The following SMC6 variants were observed in gnomAD, a reference collection of about 807,000 sequenced individuals.
SMC6 encodes structural maintenance of chromosomes protein 6.
Under a neutral mutation model 142.2 loss-of-function variants are expected in SMC6, and 79 were observed. The observed-to-expected ratio is 0.56, with a 90% CI of 0.46 to 0.67. SMC6 has a LOEUF of 0.67. Among genes scored for constraint, SMC6 ranks in the 30% least tolerant of loss-of-function variants. The pLI is 0.00. For synonymous variants in SMC6, 411 were observed against 412.4 expected, an observed-to-expected ratio of 1.00 and a Z score of 0.04; for missense variants, 1,072 against 1,284.0, an observed-to-expected ratio of 0.83 and a Z score of 2.52.
intron 22 of SMC6, 44 bp downstream of exon 22, chr2:17,696,245 G>T: frequency 6.4e-7 from 1 of 1,562,880 alleles, no homozygotes; most frequent in Non-Finnish European, 8.6e-7. Flanking sequence ...AATAATCATG[G>T]CTAAGGCTGA....
chr2:17,726,192 GT>G (rs1250545409), intron 8 of SMC6, among the ~76,000 whole-genome samples, 196 bp downstream of exon 8: 1 of 138,102 alleles, frequency 7.2e-6, no homozygotes, highest in Non-Finnish European at 1.5e-5. Context: ...AAGCCAAAAA[GT>G]AAAAACAAAG....
Position 17,700,369 on chromosome 2 carries a change from C to T in SMC6, c.2233G>A (p.Ala745Thr), listed in dbSNP as rs749256786. The part of the protein sequence containing the change: ...SVDIATLEDE[A>T]QENKSKMKMV... Reference sequence around the variant, plus strand: ...TTCATTTTGCTTTTATTTTCCTGAGCTTCATCTTCCTGATAAAATTTAAAC... The same window carrying T: ...TTCATTTTGCTTTTATTTTCCTGAGTTTCATCTTCCTGATAAAATTTAAAC... Residue 745 changes from alanine to threonine, a missense_variant, in exon 21 of 28, where the codon GCT becomes ACT. Physicochemically the swap from Ala to Thr is moderately conservative, Grantham distance 58. Transcript: ENST00000448223. The T allele has an allele frequency of 6.3e-7, 1 of 1,594,080 alleles. No individual in the cohort carries two copies. The highest frequency in any genetic ancestry group is 2.3e-5 in the East Asian group (1 of 44,346).
At chr2:17,730,246 T>C (rs1275156561) in intron 7 of SMC6, among the ~76,000 whole-genome samples, 2 of 152,326 alleles carry the variant, frequency 1.3e-5, no homozygotes, top group East Asian at 1.9e-4. Context: ...TACCCTATTA[T>C]CAATTAATTC....
At chr2:17,746,053 T>A in intron 2 of SMC6, 102 bp from the exon 3 acceptor site, 1 of 1,144,250 alleles carries the variant, frequency 8.7e-7, no homozygotes, top group South Asian at 2.2e-5. Flanking sequence ...AGGTACTATG[T>A]CCATCCATTT....
intron 16 of SMC6, 83 bp from the exon 17 acceptor site, chr2:17,708,836 A>ATAT: frequency 2.4e-5 from 9 of 380,778 alleles, no homozygotes; most frequent in Non-Finnish European, 3.1e-5. Context: ...ATATATATAT[A>ATAT]AGAGTATATA....
chr2:17,725,467 T>C, intron 8 of SMC6, 109 bp from the exon 9 acceptor site: 1 of 634,048 alleles, frequency 1.6e-6, no homozygotes, highest in Non-Finnish European at 2.6e-6. Context: ...ATCAATGATG[T>C]AAAAAGACAT....
intron 23 of SMC6, among the ~76,000 whole-genome samples, chr2:17,686,474 T>G (rs890088752): frequency 1.8e-4 from 27 of 152,078 alleles, no homozygotes; most frequent in African/African-American, 6.3e-4. Context: ...AGAGTGAGAC[T>G]CCGTCCCAAA....
chr2:17,725,388 T>C (rs1422001306), intron 8 of SMC6, 30 bp from the exon 9 acceptor site: 2 of 1,486,808 alleles, frequency 1.3e-6, no homozygotes, highest in Admixed American at 4.4e-5. Flanking sequence ...AAAACGCAAT[T>C]AGGAGTTTGT....
At chr2:17,705,338 A>G (rs2124953274) in intron 18 of SMC6, among the ~76,000 whole-genome samples, 1 of 152,238 alleles carries the variant, frequency 6.6e-6, no homozygotes, top group South Asian at 2.1e-4. Flanking sequence ...GCACTTTAGG[A>G]GGTGGAGGTG....
At chr2:17,690,463 G>A (rs1479055412) in intron 23 of SMC6, among the ~76,000 whole-genome samples, 5 of 151,910 alleles carry the variant, frequency 3.3e-5, no homozygotes, top group Non-Finnish European at 1.5e-5. Flanking sequence ...ACGTGGTGGT[G>A]CACGCCTGTA....
At chr2:17,752,469 C>T (rs888819338) in intron 2 of SMC6, among the ~76,000 whole-genome samples, 2 of 152,194 alleles carry the variant, frequency 1.3e-5, no homozygotes, top group African/African-American at 4.8e-5. Flanking sequence ...TTTCTTCCAA[C>T]TTGCATAAGA....
chr2:17,694,736 G>T (rs373270440), intron 23 of SMC6, among the ~76,000 whole-genome samples: 21,080 of 152,090 alleles, frequency 0.14, 1,734 homozygotes, highest in African/African-American at 0.24. Flanking sequence ...TAATTATCAA[G>T]AGCATCTGTT....
At chr2:17,687,695 C>G (rs142979119) in intron 23 of SMC6, among the ~76,000 whole-genome samples, 76 of 152,174 alleles carry the variant, frequency 5.0e-4, no homozygotes, top group Non-Finnish European at 9.1e-4. Flanking sequence ...CCTGAATATA[C>G]TTTTGTTTAT....
chr2:17,749,723 TATTGC>T (rs1302446305), intron 2 of SMC6, among the ~76,000 whole-genome samples: 1 of 152,184 alleles, frequency 6.6e-6, no homozygotes, highest in Non-Finnish European at 1.5e-5. Context: ...AAGAGTTCAT[TATTGC>T]ATGTAGATGC....
chr2:17,731,041 T>G, intron 7 of SMC6, 37 bp downstream of exon 7: 2 of 1,515,308 alleles, frequency 1.3e-6, no homozygotes, highest in Non-Finnish European at 9.1e-7. Context: ...AATGACAAGG[T>G]GTATGAATTA....
intron 7 of SMC6, among the ~76,000 whole-genome samples, chr2:17,727,006 T>A (rs1405987220): frequency 1.3e-5 from 2 of 152,250 alleles, no homozygotes; most frequent in Admixed American, 6.5e-5. Context: ...CTTACAGAAG[T>A]TCTTCATATT....
intron 9 of SMC6, among the ~76,000 whole-genome samples, chr2:17,724,423 T>G (rs1669519263): frequency 6.6e-6 from 1 of 152,238 alleles, no homozygotes; most frequent in African/African-American, 2.4e-5. Context: ...AATTTGACTT[T>G]AATCATTAGT....
intron 11 of SMC6, among the ~76,000 whole-genome samples, chr2:17,718,591 A>C (rs1397712061): frequency 6.6e-6 from 1 of 152,212 alleles, no homozygotes; most frequent in African/African-American, 2.4e-5. Context: ...GAAACAAACC[A>C]GAGGTTGGCC....
chr2:17,719,664 A>C (rs901180520), intron 11 of SMC6, among the ~76,000 whole-genome samples: 2 of 152,204 alleles, frequency 1.3e-5, no homozygotes, highest in African/African-American at 4.8e-5. Context: ...GAGAAGAGAA[A>C]AATACTTGGT....
Sources: allele counts gnomAD v4.1 joint callset (sites outside exome capture counted in the v4.1 genomes callset), GRCh38; gene constraint gnomAD v4.1.1; transcripts MANE v1.5; gene names NCBI Gene and HGNC (gene_info 2026-07-23, HGNC 2026-07-21).